FCGR2A: variants seen among roughly 807,000 people sequenced by gnomAD.
FCGR2A encodes low affinity immunoglobulin gamma Fc region receptor II-a.
In FCGR2A, 18 loss-of-function variants were observed where a neutral mutation model predicts 29.3. The ratio of observed to expected loss-of-function variants is 0.62; its 90% confidence interval spans 0.43 to 0.91. The LOEUF is 0.91. Ranked by LOEUF, FCGR2A falls within the 40% of genes least tolerant of loss-of-function variation. The pLI is 0.00. For missense variants in FCGR2A, 287 were observed against 393.0 expected (o/e 0.73, Z 2.28); for synonymous variants, 126 against 144.8 (o/e 0.87, Z 0.93).
At chr1:161,512,085 C>T (rs1250916609) in intron 5 of FCGR2A, among the ~76,000 whole-genome samples, 4 of 152,182 alleles carry the variant, frequency 2.6e-5, no homozygotes, top group African/African-American at 7.2e-5. Context: ...GACCAGGAAT[C>T]TGGTGATATT....
chr1:161,510,302 G>T, intron 4 of FCGR2A: 1 of 772,738 alleles, frequency 1.3e-6, no homozygotes, highest in South Asian at 1.7e-5. Context: ...GTTTCACTTT[G>T]AAATGTAGGC....
At chr1:161,506,993 T>A (rs1042001936) in intron 3 of FCGR2A, among the ~76,000 whole-genome samples, 1 of 151,934 alleles carries the variant, frequency 6.6e-6, no homozygotes, top group African/African-American at 2.4e-5. Flanking sequence ...CAGACAGGTG[T>A]GTGGAGGTGG....
chr1:161,513,922 C>T lies in FCGR2A; in HGVS notation c.770C>T (p.Ala257Val), dbSNP rs1280618425. The change falls in exon 6 of 7, where the codon GCC (alanine) becomes GTC (valine). Residue 257 changes from alanine (A) to valine (V), a missense_variant. Physicochemically the swap from Ala to Val is moderately conservative, Grantham distance 64. This residue lies in a region of FCGR2A where 72 missense variants were observed against 68.6 expected (regional missense o/e 1.05). Coordinates refer to ENST00000271450, the MANE Select transcript of FCGR2A (RefSeq NM_001136219.3). ...SANSTDPVKA[A>V]QFEPPGRQMI... ...AATTCCACTGATCCTGTGAAGGCTG[C>T]CCAATTTGAGGTGAGTAATCCCAGC... 1 of 1,614,204 alleles carries T rather than the reference C, an allele frequency of 6.2e-7. No homozygotes were observed.
At chr1:161,512,948 C>T (rs1675901363) in intron 5 of FCGR2A, among the ~76,000 whole-genome samples, 1 of 152,198 alleles carries the variant, frequency 6.6e-6, no homozygotes. Flanking sequence ...CTTCACGAGG[C>T]ACTTTTGCAG....
Position 161,519,309 on chromosome 1 carries a change from C to T in FCGR2A, c.*1161C>T, listed in dbSNP as rs1229908158. ...CTCAGCCGTTCTTGACATCAAGAAT[C>T]TTCTGTTCCACATCCACACAGCCAA... On this transcript the variant is annotated 3_prime_UTR_variant, in exon 7 of 7. Transcript: ENST00000271450. 1 of 152,692 alleles carries T rather than the reference C, an allele frequency of 6.5e-6. No homozygotes were observed. Among genetic ancestry groups the T allele is most frequent in the Non-Finnish European group, 1.5e-5 (1 of 68,316 alleles). 9.5% of individuals were successfully genotyped at this position (152,692 alleles called of 1,614,324 possible).
downstream of FCGR2A, among the ~76,000 whole-genome samples, chr1:161,522,493 G>A (rs1424901055): frequency 6.6e-6 from 1 of 152,042 alleles, no homozygotes; most frequent in Non-Finnish European, 1.5e-5. Flanking sequence ...GGTTGGAGGA[G>A]CCCACACAAG....
downstream of FCGR2A, chr1:161,519,891 AC>A (rs1416145586): frequency 2.0e-5 from 3 of 152,074 alleles, no homozygotes; most frequent in Non-Finnish European, 4.4e-5. Flanking sequence ...GACTTCCTGC[AC>A]TGCTATTTTC....
chr1:161,521,460 G>A (rs1676445322), downstream of FCGR2A, among the ~76,000 whole-genome samples: 1 of 151,162 alleles, frequency 6.6e-6, no homozygotes, highest in African/African-American at 2.4e-5. Flanking sequence ...CAGGTGAAAT[G>A]ACTTGTTCAA....
At chr1:161,521,446 C>A (rs1306660273), downstream of FCGR2A, among the ~76,000 whole-genome samples, 1 of 151,866 alleles carries the variant, frequency 6.6e-6, no homozygotes, top group African/African-American at 2.4e-5. Flanking sequence ...AGCTGTGGCC[C>A]AGACAGGTGA....
chr1:161,522,605 C>A (rs2102497659), downstream of FCGR2A, among the ~76,000 whole-genome samples: 1 of 152,250 alleles, frequency 6.6e-6, no homozygotes, highest in East Asian at 1.9e-4. Context: ...AATGTCTTGA[C>A]TCTGGCATCC....
intron 2 of FCGR2A, 51 bp from the exon 3 acceptor site, chr1:161,506,283 C>T (rs371373895): frequency 1.5e-4 from 235 of 1,605,014 alleles, no homozygotes; most frequent in Non-Finnish European, 1.7e-4. Context: ...TTGGCATCCA[C>T]AGTCCCTTCA....
chr1:161,506,722 C>G, intron 3 of FCGR2A, 131 bp downstream of exon 3: 2 of 1,466,406 alleles, frequency 1.4e-6, no homozygotes, highest in South Asian at 1.4e-5. Context: ...GTTGCTCATT[C>G]ATTCCCCATT....
At chr1:161,516,937 C>T (rs1443942001) in intron 6 of FCGR2A, among the ~76,000 whole-genome samples, 3 of 133,372 alleles carry the variant, frequency 2.2e-5, no homozygotes, top group Non-Finnish European at 4.8e-5. Flanking sequence ...TTAATGCCTG[C>T]TGCTATCTGG....
At chr1:161,506,029 T>C (rs779413831) in intron 2 of FCGR2A, 22 bp downstream of exon 2, 3 of 1,611,586 alleles carry the variant, frequency 1.9e-6, no homozygotes, top group South Asian at 1.1e-5. Flanking sequence ...CTTTGCTTCC[T>C]TGTATTGACA....
At chr1:161,517,564 T>C (rs996803453) in intron 6 of FCGR2A, among the ~76,000 whole-genome samples, 12 of 152,204 alleles carry the variant, frequency 7.9e-5, no homozygotes, top group African/African-American at 2.9e-4. Flanking sequence ...AGGATGCCAA[T>C]TGAAACTGGC....
chr1:161,506,754 C>T (rs1302577222), intron 3 of FCGR2A, 163 bp downstream of exon 3: 5 of 1,319,438 alleles, frequency 3.8e-6, no homozygotes, highest in Non-Finnish European at 4.1e-6. Flanking sequence ...CTTTGCTTAG[C>T]ATGCGTGGTG....
In FCGR2A at chr1:161,511,344, C is replaced by A. The variant is rs187989297; in HGVS notation, c.742+388C>A. ...ATATGAGGGGGGAGTAGATAGGGTA[C>A]TGCAAGCCTCTGAGAAAGAGAAATA... On this transcript the variant is annotated intron_variant, in intron 5 of 6. Coordinates refer to ENST00000271450, the MANE Select transcript of FCGR2A (RefSeq NM_001136219.3). 2.0e-5 allele frequency among the ~76,000 whole-genome samples: 3 copies of A among 152,282 alleles called. No individual in the cohort carries two copies. The East Asian group carries it at 5.8e-4, about 29-fold the overall frequency.
chr1:161,510,736 G>A, intron 4 of FCGR2A, 98 bp from the exon 5 acceptor site: 1 of 1,482,418 alleles, frequency 6.7e-7, no homozygotes, highest in South Asian at 1.2e-5. Flanking sequence ...ACAAGCACTG[G>A]GACATAGCAT....
At position 161,517,984 on chromosome 1, in the gene FCGR2A, C is replaced by T. The variant is rs371071000; in HGVS notation, c.790C>T (p.Arg264Cys). 43 of 1,613,348 alleles carry T rather than the reference C, an allele frequency of 2.7e-5. No homozygotes were observed. Among genetic ancestry groups the T allele is most frequent in the East Asian group, 6.7e-5 (3 of 44,722 alleles). The change falls in exon 7 of 7, where the codon CGT (arginine) becomes TGT (cysteine). Residue 264 changes from arginine (R) to cysteine (C), a missense_variant. Physicochemically the swap from Arg to Cys is radical, Grantham distance 180 (BLOSUM62 -3). Around this residue, in one of 3 missense-constraint regions of FCGR2A, gnomAD observed 34 missense variants for 73.5 expected, o/e 0.46. Transcript: ENST00000271450. Reference sequence around the variant, plus strand: ...AAATGCTTTCCTGCAGCCACCTGGACGTCAAATGATTGCCATCAGAAAGAG... The same window carrying T: ...AAATGCTTTCCTGCAGCCACCTGGATGTCAAATGATTGCCATCAGAAAGAG... Reference protein sequence around the residue: ...VKAAQFEPPGRQMIAIRKRQL... With the variant: ...VKAAQFEPPGCQMIAIRKRQL...
Sources: gnomAD v4.1 joint callset for allele counts (sites outside exome capture counted in the v4.1 genomes callset) on GRCh38, gnomAD v4.1.1 for gene constraint, gnomAD v4.1.1 regional missense constraint, MANE v1.5 for transcripts, NCBI Gene and HGNC (gene_info 2026-07-23, HGNC 2026-07-21) for gene names.